WWC1: variants seen among roughly 807,000 people sequenced by gnomAD.
The protein encoded by WWC1 is WW and C2 domain containing 1, also known as protein KIBRA.
Under a neutral mutation model 138.4 loss-of-function variants are expected in WWC1, and 55 were observed. That is an observed-to-expected ratio of 0.40 (90% CI 0.32 to 0.50). The LOEUF (loss-of-function observed/expected upper bound fraction) is 0.50. Among genes scored for constraint, WWC1 ranks in the 20% least tolerant of loss-of-function variants. WWC1 has a pLI of 0.72. For synonymous variants in WWC1, 524 were observed against 564.9 expected (o/e 0.93, Z 1.03); for missense variants, 1,226 against 1,420.4 (o/e 0.86, Z 2.20).
chr5:168,418,670 C>T (rs139530476), intron 9 of WWC1, among the ~76,000 whole-genome samples: 1 of 152,252 alleles, frequency 6.6e-6, no homozygotes, highest in East Asian at 1.9e-4. Context: ...CCTCTTGAGG[C>T]TTCACTGGGG....
At position 168,464,881 on chromosome 5, in the gene WWC1, G is replaced by A. The variant is rs368842399; in HGVS notation, c.3069G>A (p.Lys1023=). The change falls in exon 21 of 23, where the codon AAG becomes AAA. Residue 1023 remains lysine (K), a synonymous_variant. Transcript: ENST00000265293. The stretch of plus-strand genomic sequence containing the variant: ...TCAAGGAGCAGCTGGAACAAGCCAA[G>A]AGCCACGGGGAGAAGGAGCTGCCAC... ...KELKEQLEQA[K]SHGEKELPQW... 1.6e-5 allele frequency: 26 copies of A among 1,614,118 alleles called. No individual in the cohort carries two copies. The African/African-American group carries it at 2.9e-4, about 18-fold the overall frequency.
At chr5:168,305,352 C>T (rs1207067559) in intron 1 of WWC1, among the ~76,000 whole-genome samples, 1 of 152,172 alleles carries the variant, frequency 6.6e-6, no homozygotes, top group African/African-American at 2.4e-5. Flanking sequence ...CCCTCACCAT[C>T]GCCTCACGTC....
chr5:168,383,331 T>G (rs1348764631), intron 2 of WWC1, among the ~76,000 whole-genome samples: 1 of 152,218 alleles, frequency 6.6e-6, no homozygotes, highest in Non-Finnish European at 1.5e-5. Context: ...GCAGTAGTGA[T>G]GCAGGGTTCA....
rs1056965100 is a variant in WWC1 at position 168,471,265 on chromosome 5, T to G, written c.*2248T>G. Reference sequence around the variant, plus strand: ...CTTCCAGGCCCCCCTGTATAGCTGCTATCCAGCCCGATTTCTCACCACTGG... The same window carrying G: ...CTTCCAGGCCCCCCTGTATAGCTGCGATCCAGCCCGATTTCTCACCACTGG... On this transcript the variant is annotated 3_prime_UTR_variant, in exon 23 of 23. Coordinates refer to ENST00000265293, the MANE Select transcript of WWC1 (RefSeq NM_015238.3). 3 of 152,650 alleles carry G rather than the reference T, an allele frequency of 2.0e-5. No homozygotes were observed. Among genetic ancestry groups the G allele is most frequent in the Admixed American group, 2.0e-4 (3 of 15,292 alleles). 9.5% of individuals were successfully genotyped at this position (152,650 alleles called of 1,614,324 possible). A position where few individuals can be genotyped will look rare whatever the true frequency, so the allele number is the denominator to read the frequency against.
chr5:168,422,013 A>G lies in WWC1; in HGVS notation c.1190A>G (p.Lys397Arg). The change falls in exon 10 of 23, where the codon AAG becomes AGG. Residue 397 changes from lysine (K) to arginine (R), a missense_variant. Lys to Arg is a conservative substitution (Grantham distance 26, BLOSUM62 2). This residue lies in a region of WWC1 where 1,016 missense variants were observed against 1,153.9 expected (regional missense o/e 0.88). Transcript: ENST00000265293. ...TQSKALTERL[K>R]LNSKRNQLVR... ...CATGCTTTCTCTCCTTCCAGGTTAA[A>G]GTTAAACAGTAAGAGGAACCAGCTT... 1 of 1,610,960 alleles carries G rather than the reference A, an allele frequency of 6.2e-7. No individual in the cohort carries two copies. Among genetic ancestry groups the G allele is most frequent in the Non-Finnish European group, 8.5e-7 (1 of 1,178,168 alleles).
At chr5:168,462,894 C>T (rs1335447661) in intron 20 of WWC1, among the ~76,000 whole-genome samples, 1 of 152,204 alleles carries the variant, frequency 6.6e-6, no homozygotes, top group Admixed American at 6.5e-5. Flanking sequence ...AGAACTTGAG[C>T]CACGTAGATC....
intron 1 of WWC1, among the ~76,000 whole-genome samples, chr5:168,300,364 AAG>A (rs768859833): frequency 2.0e-5 from 3 of 151,738 alleles, no homozygotes; most frequent in Non-Finnish European, 4.4e-5. Context: ...CAGGATGGGG[AAG>A]AGGGGGTGGA....
chr5:168,446,232 T>TA (rs60746695), intron 17 of WWC1, among the ~76,000 whole-genome samples: 10,484 of 58,738 alleles, frequency 0.18, 1,782 homozygotes, highest in South Asian at 0.23. Context: ...CTCCCATTAT[T>TA]AAAAAAAAAA....
intron 2 of WWC1, among the ~76,000 whole-genome samples, chr5:168,376,415 G>A (rs929366127): frequency 2.0e-5 from 3 of 152,114 alleles, no homozygotes; most frequent in African/African-American, 7.2e-5. Context: ...CATAATGGAG[G>A]AAGTCCTAGC....
intron 1 of WWC1, among the ~76,000 whole-genome samples, chr5:168,332,373 T>G (rs1773102293): frequency 6.6e-6 from 1 of 152,210 alleles, no homozygotes; most frequent in Non-Finnish European, 1.5e-5. Flanking sequence ...TACATATAAA[T>G]ATTCTAAGGT....
intron 15 of WWC1, 35 bp from the exon 16 acceptor site, chr5:168,441,647 G>A (rs183053843): frequency 7.7e-4 from 1,227 of 1,598,730 alleles, no homozygotes; most frequent in African/African-American, 2.6e-3. Context: ...CCCCCCCACC[G>A]CCACTTATGT....
chr5:168,431,216 T>G, intron 14 of WWC1, 36 bp from the exon 15 acceptor site: 1 of 1,577,012 alleles, frequency 6.3e-7, no homozygotes, highest in Non-Finnish European at 8.6e-7. Context: ...AGACATGGGC[T>G]GACCCAAGAT....
In WWC1 at chr5:168,464,739, T is replaced by A. The variant is rs764333466; in HGVS notation, c.2927T>A (p.Val976Asp). 5.0e-6 allele frequency: 8 copies of A among 1,613,916 alleles called. No individual in the cohort carries two copies. The African/African-American group carries it at 9.3e-5, about 19-fold the overall frequency. ...RSVRMKRPSSVKSLRSERLIR... is the reference protein window; with the variant it reads ...RSVRMKRPSSDKSLRSERLIR... ...TCCCCACCCCCACAGCCTTCCTCGGTCAAGTCGCTGCGCTCCGAGCGTCTG... is the reference window on the plus strand; with the variant it reads ...TCCCCACCCCCACAGCCTTCCTCGGACAAGTCGCTGCGCTCCGAGCGTCTG... The change falls in exon 21 of 23, where the codon GTC becomes GAC. Residue 976 changes from valine (V) to aspartate (D), a missense_variant. By Grantham distance (152) the Val-to-Asp change is radical. Coordinates refer to ENST00000265293, the MANE Select transcript of WWC1 (RefSeq NM_015238.3).
intron 21 of WWC1, 89 bp downstream of exon 21, chr5:168,465,051 TG>T: frequency 6.7e-7 from 1 of 1,497,942 alleles, no homozygotes; most frequent in South Asian, 1.3e-5. Flanking sequence ...CCAGAGCTCA[TG>T]ATGCATCCTA....
At chr5:168,428,293 C>A in intron 12 of WWC1, 152 bp downstream of exon 12, 1 of 716,352 alleles carries the variant, frequency 1.4e-6, no homozygotes, top group Non-Finnish European at 2.3e-6. Context: ...CTCTTGGCTG[C>A]CCAAGGCACA....
At chr5:168,337,667 G>T (rs985396815) in intron 1 of WWC1, among the ~76,000 whole-genome samples, 3 of 152,234 alleles carry the variant, frequency 2.0e-5, no homozygotes, top group African/African-American at 7.2e-5. Context: ...TAGTGTTTGT[G>T]CTACAGACGG....
At chr5:168,386,456 G>T (rs1203064441) in intron 3 of WWC1, among the ~76,000 whole-genome samples, 1 of 145,532 alleles carries the variant, frequency 6.9e-6, no homozygotes, top group African/African-American at 2.6e-5. Context: ...GCAGTGGCGC[G>T]ATCTCTGCTC....
At chr5:168,350,986 A>G (rs1191204984) in intron 1 of WWC1, among the ~76,000 whole-genome samples, 2 of 152,094 alleles carry the variant, frequency 1.3e-5, no homozygotes, top group Non-Finnish European at 2.9e-5. Flanking sequence ...TCTCTACTAA[A>G]AACACAAAAA....
At chr5:168,408,473 G>A (rs749645274) in intron 6 of WWC1, 34 bp from the exon 7 acceptor site, 1 of 1,607,846 alleles carries the variant, frequency 6.2e-7, no homozygotes, top group Non-Finnish European at 8.5e-7. Context: ...CTCCTGGGAA[G>A]GCGCATCACT....
Sources: gnomAD v4.1 joint callset for allele counts (sites outside exome capture counted in the v4.1 genomes callset) on GRCh38, gnomAD v4.1.1 for gene constraint, gnomAD v4.1.1 regional missense constraint, MANE v1.5 for transcripts, NCBI Gene and HGNC (gene_info 2026-07-23, HGNC 2026-07-21) for gene names.